Variants in MGST1 observed in about 807,000 individuals in gnomAD.
The protein encoded by MGST1 is microsomal glutathione S-transferase 1.
In MGST1, 5 loss-of-function variants were observed where a neutral mutation model predicts 8.9. That is an observed-to-expected ratio of 0.56 (90% CI 0.29 to 1.19). MGST1 has a LOEUF of 1.19. Among genes scored for constraint, MGST1 ranks in the 50% most tolerant of loss-of-function variants. The pLI is 0.08. For missense variants in MGST1, 182 were observed against 187.4 expected, an observed-to-expected ratio of 0.97 and a Z score of 0.17; for synonymous variants, 54 against 67.8, an observed-to-expected ratio of 0.80 and a Z score of 1.00.
intron 4 of MGST1, among the ~76,000 whole-genome samples, chr12:16,462,018 A>G (rs1941224922): frequency 6.6e-6 from 1 of 152,146 alleles, no homozygotes; most frequent in African/African-American, 2.4e-5. Context: ...CTAAGGTCTC[A>G]TCACCCACAG....
At chr12:16,371,910 G>A (rs1316516105) in intron 3 of MGST1, among the ~76,000 whole-genome samples, 1 of 151,930 alleles carries the variant, frequency 6.6e-6, no homozygotes, top group East Asian at 1.9e-4. Flanking sequence ...TTTTAACAAA[G>A]GTACCAAGAA....
chr12:16,409,602 C>T (rs1940726175), intron 1 of MGST1, among the ~76,000 whole-genome samples: 1 of 152,042 alleles, frequency 6.6e-6, no homozygotes, highest in Non-Finnish European at 1.5e-5. Flanking sequence ...GTTTTTACCT[C>T]CCTAGAATAC....
downstream of MGST1, among the ~76,000 whole-genome samples, chr12:16,441,444 G>T (rs1361139792): frequency 6.6e-6 from 1 of 151,778 alleles, no homozygotes; most frequent in Non-Finnish European, 1.5e-5. Flanking sequence ...TTATGGTATT[G>T]TAAAGAATAG....
chr12:16,550,924 A>G (rs1409115500), intron 4 of MGST1: 1 of 269,400 alleles, frequency 3.7e-6, no homozygotes, highest in Non-Finnish European at 7.1e-6. Context: ...ATATTACAAT[A>G]CATTATATAC....
intron 4 of MGST1, among the ~76,000 whole-genome samples, chr12:16,518,781 A>T (rs1591750311): frequency 6.6e-6 from 1 of 152,152 alleles, no homozygotes; most frequent in East Asian, 1.9e-4. Context: ...TTTAGAAGAA[A>T]ACTACGTGGT....
intron 4 of MGST1, among the ~76,000 whole-genome samples, chr12:16,444,750 T>A (rs1304869792): frequency 2.6e-5 from 4 of 151,912 alleles, no homozygotes; most frequent in African/African-American, 9.7e-5. Context: ...TTATGCTTTT[T>A]GTTCCTGCTT....
rs1004652566 is a variant in MGST1 at position 16,402,324 on chromosome 12, G to T, written n.778+18720G>T. 1.9e-6 allele frequency: 3 copies of T among 1,596,422 alleles called. No individual in the cohort carries two copies. In the Admixed American group the frequency reaches 5.0e-5, roughly 27 times the overall value. On this transcript the variant is annotated intron_variant and non_coding_transcript_variant, in intron 1 of 1. Transcript: ENST00000359720. Reference sequence around the variant, plus strand: ...ATCAACACCCACTGATGCAACAATGGCTCAACGTTGGCATACTCATCTTCT... The same window carrying T: ...ATCAACACCCACTGATGCAACAATGTCTCAACGTTGGCATACTCATCTTCT...
At chr12:16,437,557 A>T (rs903346749) in exon 2 of MGST1, 1 of 152,160 alleles carries the variant, frequency 6.6e-6, no homozygotes, top group South Asian at 2.1e-4. Flanking sequence ...ACTTCTTCTC[A>T]GCCCGAGGAA....
intron 1 of MGST1, among the ~76,000 whole-genome samples, chr12:16,351,687 G>C (rs1939472518): frequency 1.3e-5 from 2 of 152,102 alleles, no homozygotes; most frequent in South Asian, 4.1e-4. Flanking sequence ...GCGGGCACCT[G>C]TAATCCCAGC....
intron 1 of MGST1, among the ~76,000 whole-genome samples, chr12:16,432,148 G>A (rs894318699): frequency 2.0e-5 from 3 of 152,102 alleles, no homozygotes; most frequent in Admixed American, 2.0e-4. Flanking sequence ...TATCTTAGAT[G>A]TATCAGATCC....
intron 1 of MGST1, among the ~76,000 whole-genome samples, chr12:16,395,794 T>TACAC (rs71054815): frequency 0.027 from 3,593 of 133,386 alleles, 98 homozygotes; most frequent in Non-Finnish European, 0.037. Context: ...TATATATATA[T>TACAC]ATATATATAT....
At chr12:16,364,799 C>T (rs1940154714), downstream of MGST1, among the ~76,000 whole-genome samples, 1 of 152,074 alleles carries the variant, frequency 6.6e-6, no homozygotes, top group African/African-American at 2.4e-5. The surrounding 1 kb of genome is among the most constrained non-coding windows in gnomAD (Gnocchi z 5.7). Flanking sequence ...ATCCAGGATT[C>T]AAAGATCAAA....
At chr12:16,564,532 G>A (rs1942522575) in intron 4 of MGST1, among the ~76,000 whole-genome samples, 1 of 152,178 alleles carries the variant, frequency 6.6e-6, no homozygotes, top group African/African-American at 2.4e-5. Context: ...ACAGGCATCA[G>A]GGGAAAATGA....
intron 4 of MGST1, among the ~76,000 whole-genome samples, chr12:16,565,442 G>T (rs1160462884): frequency 2.0e-5 from 3 of 152,102 alleles, no homozygotes; most frequent in Non-Finnish European, 2.9e-5. Flanking sequence ...AACTTAAAAA[G>T]TTAGCCCATT....
intron 1 of MGST1, among the ~76,000 whole-genome samples, chr12:16,408,399 C>T (rs895727232): frequency 1.3e-5 from 2 of 152,076 alleles, no homozygotes; most frequent in East Asian, 1.9e-4. Context: ...CTGTCTTTAT[C>T]GCATTCTCCC....
At chr12:16,563,494 A>G (rs1430663554) in intron 4 of MGST1, among the ~76,000 whole-genome samples, 2 of 152,136 alleles carry the variant, frequency 1.3e-5, no homozygotes, top group Admixed American at 6.5e-5. Flanking sequence ...CCTTTGTAAG[A>G]TTTTTTTTCA....
chr12:16,515,993 G>GT (rs999561524), intron 4 of MGST1, among the ~76,000 whole-genome samples: 2 of 152,148 alleles, frequency 1.3e-5, no homozygotes, highest in Non-Finnish European at 1.5e-5. Flanking sequence ...TAGTTTCTCT[G>GT]TTACAATAAA....
chr12:16,380,856 G>C (rs2137039601), downstream of MGST1, among the ~76,000 whole-genome samples: 1 of 152,276 alleles, frequency 6.6e-6, no homozygotes, highest in Middle Eastern at 3.4e-3. Flanking sequence ...ATTTAGGATA[G>C]TTAGCTCTTC....
chr12:16,480,911 A>G (rs1303041379), intron 4 of MGST1, among the ~76,000 whole-genome samples: 1 of 152,230 alleles, frequency 6.6e-6, no homozygotes, highest in African/African-American at 2.4e-5. Context: ...CTACCAAAAC[A>G]GACAAACAAA....
Sources: allele counts gnomAD v4.1 joint callset (sites outside exome capture counted in the v4.1 genomes callset), GRCh38; gene constraint gnomAD v4.1.1; non-coding constraint Gnocchi (gnomAD v3.1); transcripts MANE v1.5; gene names NCBI Gene and HGNC (gene_info 2026-07-23, HGNC 2026-07-21).